Variants in MGAM2 observed in about 807,000 individuals in gnomAD.
MGAM2 encodes the protein probable maltase-glucoamylase 2.
MGAM2 carries 98 observed loss-of-function variants against 96.1 expected under a neutral mutation model. The observed-to-expected ratio is 1.02, with a 90% CI of 0.87 to 1.21. MGAM2 has a LOEUF of 1.21. Ranked by LOEUF, MGAM2 falls within the 50% of genes most tolerant of loss-of-function variation. The pLI is 0.00. For missense variants in MGAM2, 2,055 were observed against 1,182.4 expected, an observed-to-expected ratio of 1.74 and a Z score of -10.82; for synonymous variants, 749 against 414.8, an observed-to-expected ratio of 1.81 and a Z score of -9.79.
chr7:142,179,487 G>A (rs993189239), intron 32 of MGAM2, among the ~76,000 whole-genome samples: 3 of 152,272 alleles, frequency 2.0e-5, no homozygotes, highest in Non-Finnish European at 2.9e-5. Context: ...GATGTTGGCT[G>A]TGGGTTTGTC....
Position 142,154,758 on chromosome 7 carries a change from CAAT to C in MGAM2, c.1837_1839del (p.Asn613del), listed in dbSNP as rs1327753339. ...GTGCCAACATCTGTGGTTATAACAA[CAAT>C]GTCACAGAGGAGCTCTGCAGAAGGT... On this transcript the variant is annotated inframe_deletion, in exon 17 of 48. Coordinates refer to ENST00000477922, the MANE Select transcript of MGAM2 (RefSeq NM_001293626.2). 8.5e-6 allele frequency: 6 copies of C among 703,316 alleles called. No homozygotes were observed. The highest frequency in any genetic ancestry group is 1.6e-5 in the Non-Finnish European group (6 of 385,052). 43.6% of individuals were successfully genotyped at this position (703,316 alleles called of 1,614,324 possible).
intron 33 of MGAM2, among the ~76,000 whole-genome samples, chr7:142,184,515 G>T (rs917780121): frequency 6.6e-6 from 1 of 152,182 alleles, no homozygotes; most frequent in Non-Finnish European, 1.5e-5. Flanking sequence ...CTGGAAGAGT[G>T]CTTGTCATAT....
Position 142,187,833 on chromosome 7 carries a change from A to G in MGAM2, c.4206A>G (p.Pro1402=), listed in dbSNP as rs1210164046. ...NEMLNNPPYM[P]YLESRDKGLS... ...TGCTAAATAACCCACCCTATATGCC[A>G]TGTATGTAAAATAATTACTTCATCA... Residue 1402 remains proline, a splice_region_variant and synonymous_variant, in exon 36 of 48, where the codon CCA becomes CCG. Transcript: ENST00000477922. The G allele has an allele frequency of 4.3e-6, 3 of 701,964 alleles. No homozygotes were observed. Among genetic ancestry groups the G allele is most frequent in the East Asian group, 5.4e-5 (2 of 37,248 alleles). The allele number at this position is 701,964 out of a possible 1,614,324, so 43.5% of individuals were successfully genotyped here.
intron 17 of MGAM2, among the ~76,000 whole-genome samples, chr7:142,155,586 C>T (rs1350493714): frequency 4.6e-5 from 7 of 152,192 alleles, no homozygotes; most frequent in Non-Finnish European, 1.0e-4. Context: ...GAAGGATTAA[C>T]AGTCAAACCT....
intron 1 of MGAM2, among the ~76,000 whole-genome samples, chr7:142,115,637 G>T (rs1412679822): frequency 6.6e-6 from 1 of 152,176 alleles, no homozygotes; most frequent in Admixed American, 6.5e-5. Context: ...GCTGAGATCA[G>T]GAGTTCGAGA....
At chr7:142,181,482 C>A (rs1796540141) in intron 32 of MGAM2, among the ~76,000 whole-genome samples, 1 of 152,182 alleles carries the variant, frequency 6.6e-6, no homozygotes, top group African/African-American at 2.4e-5. Flanking sequence ...AGCACAGTTG[C>A]AGTAGTGCTA....
chr7:142,196,019 GA>G, intron 37 of MGAM2, 134 bp from the exon 38 acceptor site: 1 of 649,736 alleles, frequency 1.5e-6, no homozygotes, highest in South Asian at 1.7e-5. Flanking sequence ...ATGGCTTTGA[GA>G]CAGCAGATTC....
chr7:142,184,808 A>G (rs934880280), intron 33 of MGAM2, among the ~76,000 whole-genome samples: 14 of 152,332 alleles, frequency 9.2e-5, no homozygotes, highest in South Asian at 2.1e-4. Context: ...AAATCACTCG[A>G]AAGTTGGTTG....
chr7:142,173,429 T>C (rs1796264514), intron 31 of MGAM2, 75 bp downstream of exon 31: 1 of 668,190 alleles, frequency 1.5e-6, no homozygotes, highest in East Asian at 2.7e-5. Context: ...AGAAGTGCTA[T>C]GATGTTCTTA....
At chr7:142,168,295 GT>G (rs1256811170) in intron 26 of MGAM2, among the ~76,000 whole-genome samples, 1 of 149,810 alleles carries the variant, frequency 6.7e-6, no homozygotes, top group Non-Finnish European at 1.5e-5. Flanking sequence ...TTGAGACAGA[GT>G]TTTGCTCTTG....
intron 45 of MGAM2, among the ~76,000 whole-genome samples, chr7:142,205,039 C>T (rs543092831): frequency 2.6e-5 from 4 of 151,984 alleles, no homozygotes; most frequent in African/African-American, 7.2e-5. Context: ...GAAAGATGAA[C>T]GTTTAATCAG....
At chr7:142,202,494 G>A (rs1797270652) in intron 45 of MGAM2, among the ~76,000 whole-genome samples, 1 of 152,090 alleles carries the variant, frequency 6.6e-6, no homozygotes, top group African/African-American at 2.4e-5. Flanking sequence ...ATAGCCTGCA[G>A]TGTCTATTGT....
chr7:142,167,303 T>C lies in MGAM2; in HGVS notation c.2844T>C (p.Tyr948=). Residue 948 remains tyrosine (Y), a synonymous_variant, in exon 26 of 48, where the codon TAT becomes TAC. Coordinates refer to ENST00000477922, the MANE Select transcript of MGAM2 (RefSeq NM_001293626.2). ...TSTPGVPTCY[Y]DTIPNYVASD... The stretch of plus-strand genomic sequence containing the variant: ...CTCCTGGAGTGCCCACCTGTTACTA[T>C]GACACCATCCCTAATTATGTTGCTA... The C allele has an allele frequency of 1.4e-6, 1 of 702,262 alleles. No individual in the cohort carries two copies. The highest frequency in any genetic ancestry group is 2.6e-6 in the Non-Finnish European group (1 of 384,516). The allele number at this position is 702,262 out of a possible 1,614,324, so 43.5% of individuals were successfully genotyped here.
chr7:142,160,166 G>T lies in MGAM2; in HGVS notation c.2253G>T (p.Val751=). Residue 751 remains valine, a synonymous_variant, in exon 21 of 48, where the codon GTG becomes GTT. Coordinates refer to ENST00000477922, the MANE Select transcript of MGAM2 (RefSeq NM_001293626.2). ...CCATCTCATGGAGGAAACAGTTGGT[G>T]AATATGCTTCTCCCAGGTGACAAGA... ...GVAISWRKQL[V]NMLLPGDKIG... 1 of 702,722 alleles carries T rather than the reference G, an allele frequency of 1.4e-6. No homozygotes were observed. The highest frequency in any genetic ancestry group is 1.5e-5 in the South Asian group (1 of 67,538). 43.5% of individuals were successfully genotyped at this position (702,722 alleles called of 1,614,324 possible). A position where few individuals can be genotyped will look rare whatever the true frequency, so the allele number is the denominator to read the frequency against.
chr7:142,137,811 ATCCCACAAAT>A (rs1795104328), intron 9 of MGAM2, among the ~76,000 whole-genome samples: 1 of 152,234 alleles, frequency 6.6e-6, no homozygotes, highest in Non-Finnish European at 1.5e-5. Context: ...CCATTCATGT[ATCCCACAAAT>A]CAGCAAAGCT....
chr7:142,128,041 G>T (rs1319989515), intron 3 of MGAM2, among the ~76,000 whole-genome samples: 1 of 152,176 alleles, frequency 6.6e-6, no homozygotes, highest in Non-Finnish European at 1.5e-5. Context: ...TTGTTGAATG[G>T]CTTTTCTCAG....
chr7:142,131,113 T>C (rs748736379), intron 4 of MGAM2, 42 bp downstream of exon 4: 28 of 693,724 alleles, frequency 4.0e-5, no homozygotes, highest in Admixed American at 3.6e-4. Context: ...CAACTCCTTA[T>C]GGCCCAGATA....
chr7:142,170,441 A>T (rs1278484035), intron 27 of MGAM2, among the ~76,000 whole-genome samples: 2 of 152,188 alleles, frequency 1.3e-5, no homozygotes, highest in Non-Finnish European at 2.9e-5. Flanking sequence ...GAAATGAAGT[A>T]TTGTTTGATT....
intron 32 of MGAM2, among the ~76,000 whole-genome samples, chr7:142,177,227 T>C (rs1443731668): frequency 6.6e-6 from 1 of 152,180 alleles, no homozygotes; most frequent in Admixed American, 6.5e-5. Flanking sequence ...GTGAAAGGCA[T>C]GTCTCTCATG....
Sources: gnomAD v4.1 joint callset for allele counts (sites outside exome capture counted in the v4.1 genomes callset) on GRCh38, gnomAD v4.1.1 for gene constraint, MANE v1.5 for transcripts, NCBI Gene and HGNC (gene_info 2026-07-23, HGNC 2026-07-21) for gene names.